Variants in ANO6 observed in about 807,000 individuals in gnomAD.
ANO6 encodes the protein anoctamin 6.
In ANO6, 106 loss-of-function variants were observed where a neutral mutation model predicts 117.5. The ratio of observed to expected loss-of-function variants is 0.90; its 90% confidence interval spans 0.77 to 1.06. The LOEUF is 1.06. ANO6 is among the 50% of genes least tolerant of loss of function. ANO6 has a pLI of 0.00. For synonymous variants in ANO6, 367 were observed against 385.1 expected (o/e 0.95, Z 0.55); for missense variants, 955 against 1,121.1 (o/e 0.85, Z 2.12).
intron 12 of ANO6, among the ~76,000 whole-genome samples, chr12:45,398,922 C>G (rs1042645186): frequency 4.6e-5 from 7 of 152,116 alleles, no homozygotes; most frequent in Non-Finnish European, 1.0e-4. Flanking sequence ...GGTCTTCAGT[C>G]GGTTTAAACA....
chr12:45,422,892 G>A, intron 18 of ANO6, 65 bp from the exon 19 acceptor site: 1 of 1,229,570 alleles, frequency 8.1e-7, no homozygotes, highest in Non-Finnish European at 1.2e-6. Flanking sequence ...TTTTAAATGG[G>A]GCCTTTGTTT....
intron 17 of ANO6, 101 bp downstream of exon 17, chr12:45,417,005 T>G: frequency 2.6e-6 from 3 of 1,142,692 alleles, no homozygotes; most frequent in South Asian, 2.7e-5. Flanking sequence ...GAGAGGAAGA[T>G]GCTAAGTCTG....
intron 6 of ANO6, among the ~76,000 whole-genome samples, chr12:45,349,870 C>T (rs1466509863): frequency 2.6e-5 from 4 of 152,182 alleles, no homozygotes; most frequent in East Asian, 3.8e-4. Context: ...ATAGCTGTCA[C>T]GAATATTAAT....
chr12:45,271,162 T>C (rs982055920), intron 1 of ANO6, among the ~76,000 whole-genome samples: 25 of 152,208 alleles, frequency 1.6e-4, no homozygotes, highest in Admixed American at 7.9e-4. Context: ...GACAAAATAA[T>C]GAAAACAAGA....
chr12:45,345,836 T>G (rs1018859997), intron 3 of ANO6, among the ~76,000 whole-genome samples: 2 of 152,106 alleles, frequency 1.3e-5, no homozygotes, highest in African/African-American at 4.8e-5. Flanking sequence ...TTCCACAGAC[T>G]AATTTATAAA....
chr12:45,336,768 G>T (rs1940837786), intron 3 of ANO6, among the ~76,000 whole-genome samples: 1 of 151,982 alleles, frequency 6.6e-6, no homozygotes, highest in South Asian at 2.1e-4. Flanking sequence ...TTATTTTAGA[G>T]TATATTCCTA....
Position 45,429,194 on chromosome 12 carries a change from C to T in ANO6, c.2616C>T (p.Tyr872=). The change falls in exon 20 of 20, where the codon TAC becomes TAT. Residue 872 remains tyrosine (Y), a synonymous_variant. Coordinates refer to ENST00000320560, the MANE Select transcript of ANO6 (RefSeq NM_001025356.3). ...RTKSKIQREK[Y]LTQKLLHENH... The stretch of plus-strand genomic sequence containing the variant: ...AGAGCAAGATCCAGAGAGAAAAATA[C>T]CTAACCCAAAAGCTTCTTCATGAGA... 1.9e-6 allele frequency: 3 copies of T among 1,613,856 alleles called. No homozygotes were observed. In the South Asian group the frequency reaches 3.3e-5, roughly 18 times the overall value.
chr12:45,273,144 T>C (rs1207826915), intron 1 of ANO6, among the ~76,000 whole-genome samples: 1 of 151,802 alleles, frequency 6.6e-6, no homozygotes, highest in Non-Finnish European at 1.5e-5. Flanking sequence ...GCCGGGGGGC[T>C]GGGGGAAATG....
chr12:45,233,716 C>T (rs1440185208), intron 1 of ANO6, among the ~76,000 whole-genome samples: 1 of 152,104 alleles, frequency 6.6e-6, no homozygotes, highest in Non-Finnish European at 1.5e-5. Context: ...GTTGTATAGC[C>T]ACCACCCAAA....
intron 7 of ANO6, among the ~76,000 whole-genome samples, chr12:45,355,331 TTTCTGG>T: frequency 6.6e-6 from 1 of 152,126 alleles, no homozygotes; most frequent in Admixed American, 6.5e-5. Flanking sequence ...TTGAAAAATC[TTTCTGG>T]CCTTGCCTAC....
chr12:45,387,049 C>A (rs1364412197), intron 10 of ANO6, among the ~76,000 whole-genome samples: 1 of 152,218 alleles, frequency 6.6e-6, no homozygotes, highest in Non-Finnish European at 1.5e-5. Context: ...TGCCTAGGAG[C>A]TCCTTGAAGC....
intron 3 of ANO6, among the ~76,000 whole-genome samples, chr12:45,336,563 G>T (rs1309215716): frequency 6.6e-6 from 1 of 152,000 alleles, no homozygotes; most frequent in Non-Finnish European, 1.5e-5. Flanking sequence ...TAACATGGTA[G>T]TGCAATGCAT....
chr12:45,294,110 G>A (rs544566548), intron 1 of ANO6, among the ~76,000 whole-genome samples: 2 of 151,942 alleles, frequency 1.3e-5, no homozygotes, highest in Non-Finnish European at 2.9e-5. Context: ...CTTAAGATGA[G>A]GTTGAAAATA....
At chr12:45,239,276 T>C (rs1001101947) in intron 1 of ANO6, among the ~76,000 whole-genome samples, 2 of 152,238 alleles carry the variant, frequency 1.3e-5, no homozygotes, top group Non-Finnish European at 1.5e-5. Context: ...TGGGAAGTTG[T>C]ATGTGTCCAG....
intron 3 of ANO6, among the ~76,000 whole-genome samples, chr12:45,345,487 C>A (rs1941105370): frequency 6.6e-6 from 1 of 152,326 alleles, no homozygotes; most frequent in Non-Finnish European, 1.5e-5. Context: ...CGACCTGGAC[C>A]TAGCAGTTCC....
At chr12:45,387,142 C>T (rs147054532) in intron 10 of ANO6, among the ~76,000 whole-genome samples, 2 of 152,232 alleles carry the variant, frequency 1.3e-5, no homozygotes, top group East Asian at 1.9e-4. Flanking sequence ...GTGGTGATTA[C>T]AGAATTTTTT....
intron 1 of ANO6, among the ~76,000 whole-genome samples, chr12:45,272,642 TA>T: frequency 6.6e-6 from 1 of 152,222 alleles, no homozygotes; most frequent in East Asian, 1.9e-4. Context: ...TAAACACAAA[TA>T]AGTTGATGAG....
At chr12:45,364,156 A>G (rs1214225476) in intron 8 of ANO6, among the ~76,000 whole-genome samples, 1 of 152,220 alleles carries the variant, frequency 6.6e-6, no homozygotes, top group Non-Finnish European at 1.5e-5. Flanking sequence ...ATGAAAAGTT[A>G]GCTGCTAATC....
intron 2 of ANO6, among the ~76,000 whole-genome samples, chr12:45,327,569 T>C: frequency 6.6e-6 from 1 of 152,212 alleles, no homozygotes; most frequent in East Asian, 1.9e-4. Flanking sequence ...ATATTGCAGC[T>C]ATTACACATG....
Sources: allele counts gnomAD v4.1 joint callset (sites outside exome capture counted in the v4.1 genomes callset), GRCh38; gene constraint gnomAD v4.1.1; transcripts MANE v1.5; gene names NCBI Gene and HGNC (gene_info 2026-07-23, HGNC 2026-07-21).